Variants in TH observed in about 807,000 individuals in gnomAD.
TH encodes the protein tyrosine hydroxylase, also known as tyrosine 3-monooxygenase.
A neutral mutation model predicts 57.4 loss-of-function variants in TH; 49 were observed. The ratio of observed to expected loss-of-function variants is 0.85; its 90% CI spans 0.68 to 1.08. The LOEUF is 1.08. TH is among the 50% of genes least tolerant of loss of function. The pLI is 0.00. For missense variants in TH, 720 were observed against 696.7 expected, an observed-to-expected ratio of 1.03 and a Z score of -0.38; for synonymous variants, 330 against 304.5, an observed-to-expected ratio of 1.08 and a Z score of -0.87.
chr11:2,165,865 A>G, intron 10 of TH, 102 bp from the exon 11 acceptor site: 2 of 1,508,690 alleles, frequency 1.3e-6, no homozygotes, highest in Admixed American at 1.9e-5. Context: ...AGGCCAGGCC[A>G]GGATGCAGGC....
Position 2,170,727 on chromosome 11 carries a change from G to T in TH, c.91-856C>A, listed in dbSNP as rs540910436. 32 of 1,603,094 alleles carry T rather than the reference G, an allele frequency of 2.0e-5. 2 individuals are homozygous for T. The South Asian group carries it at 3.3e-4, about 16-fold the overall frequency. On this transcript the variant is annotated intron_variant, in intron 1 of 12. Transcript: ENST00000352909. The surrounding 1 kb of genome is among the most constrained non-coding windows in gnomAD (Gnocchi z 6.0). Reference sequence around the variant, plus strand: ...GGTGTAGGATGCAGCTGGGGCTGCAGTTCCAGGCCACGGAGAGCCTGTGAG... The same window carrying T: ...GGTGTAGGATGCAGCTGGGGCTGCATTTCCAGGCCACGGAGAGCCTGTGAG...
intron 3 of TH, 152 bp from the exon 4 acceptor site, chr11:2,168,331 C>T (rs1846157815): frequency 5.9e-6 from 8 of 1,365,218 alleles, no homozygotes; most frequent in Non-Finnish European, 8.2e-6. Context: ...GGCCCCAGGC[C>T]CGGACACGGA....
At position 2,171,541 on chromosome 11, in the gene TH, G is replaced by T; in HGVS notation, c.90+156C>A. 1.4e-6 allele frequency: 1 copy of T among 738,396 alleles called. No homozygotes were observed. Among genetic ancestry groups the T allele is most frequent in the Non-Finnish European group, 2.3e-6 (1 of 437,572 alleles). The allele number at this position is 738,396 out of a possible 1,614,324, so 45.7% of individuals were successfully genotyped here. On this transcript the variant is annotated intron_variant, in intron 1 of 12. Coordinates refer to ENST00000352909, the MANE Select transcript of TH (RefSeq NM_000360.4). This position sits in a 1 kb window ranked among gnomAD's most constrained non-coding sequence, Gnocchi z 8.6. ...TCAAACACCAGGCACAGGGGATGCC[G>T]CTGTGCCCAGGCCTCCACATCCACG...
chr11:2,171,386 G>C lies in TH; in HGVS notation c.90+311C>G, dbSNP rs145643462. Among the ~76,000 whole-genome samples the C allele has an allele frequency of 6.6e-6, 1 of 151,948 alleles. No homozygotes were observed. Among genetic ancestry groups the C allele is most frequent in the African/African-American group, 2.4e-5 (1 of 41,412 alleles). Reference sequence around the variant, plus strand: ...CATCTTGGATTTTTTGGATGGATTTGTTTCCACATTCCGATCGTTAAGATT... The same window carrying C: ...CATCTTGGATTTTTTGGATGGATTTCTTTCCACATTCCGATCGTTAAGATT... On this transcript the variant is annotated intron_variant, in intron 1 of 12. Coordinates refer to ENST00000352909, the MANE Select transcript of TH (RefSeq NM_000360.4). This position sits in a 1 kb window ranked among gnomAD's most constrained non-coding sequence, Gnocchi z 8.6.
In TH at chr11:2,169,888, C is replaced by A; in HGVS notation, c.91-17G>T. ...CCGCGGGGACTGTGGGGACAAGGGG[C>A]ACCCATGCCTCCTCCACCTGCTGAG... On this transcript the variant is annotated splice_polypyrimidine_tract_variant and intron_variant, in intron 1 of 12. Transcript: ENST00000352909. The A allele has an allele frequency of 1.2e-6, 2 of 1,604,118 alleles. No homozygotes were observed. Among genetic ancestry groups the A allele is most frequent in the Non-Finnish European group, 1.7e-6 (2 of 1,176,976 alleles).
chr11:2,168,119 A>C lies in TH; in HGVS notation c.548T>G (p.Phe183Cys). ...LDKCHHLVTK[F>C]DPDLDLDHPG... ...GTGGTCCAAGTCCAGGTCAGGGTCG[A>C]ACTTGGTGACCAGGTGATGACACTT... is the stretch of plus-strand genomic sequence containing the variant. Residue 183 changes from phenylalanine (F) to cysteine (C), a missense_variant, in exon 4 of 13, where the codon TTC (phenylalanine) becomes TGC (cysteine). By Grantham distance (205) the Phe-to-Cys change is radical (BLOSUM62 -2). Coordinates refer to ENST00000352909, the MANE Select transcript of TH (RefSeq NM_000360.4). The C allele has an allele frequency of 6.2e-7, 1 of 1,613,538 alleles. No homozygotes were observed. Among genetic ancestry groups the C allele is most frequent in the Non-Finnish European group, 8.5e-7 (1 of 1,180,010 alleles).
rs997751407 is a variant in TH at position 2,171,198 on chromosome 11, A to AC, written c.90+498dup. On this transcript the variant is annotated intron_variant, in intron 1 of 12. Transcript: ENST00000352909. This position sits in a 1 kb window ranked among gnomAD's most constrained non-coding sequence, Gnocchi z 8.6. ...GAATTTTGCCCCCTATTTGCCCAGG[A>AC]CCCCCCACCATGAGCTGCTGCTAGA... Among the ~76,000 whole-genome samples, 5 of 151,536 alleles carry AC rather than the reference A, an allele frequency of 3.3e-5. No individual in the cohort carries two copies. The highest frequency in any genetic ancestry group is 1.3e-4 in the Admixed American group (2 of 15,244).
intron 5 of TH, 181 bp downstream of exon 5, chr11:2,167,684 CT>C (rs1846137041): frequency 3.7e-6 from 4 of 1,093,058 alleles, no homozygotes; most frequent in East Asian, 2.6e-5. Flanking sequence ...TCTAGCCCCC[CT>C]GGGCCTCAGT....
intron 2 of TH, among the ~76,000 whole-genome samples, chr11:2,169,163 T>C (rs1387451264): frequency 6.6e-6 from 1 of 151,496 alleles, no homozygotes; most frequent in African/African-American, 2.4e-5. Flanking sequence ...AAACTGGCTC[T>C]GGGAGCTGGG....
chr11:2,166,748 G>T lies in TH; in HGVS notation c.862C>A (p.Arg288=). The change falls in exon 8 of 13, where the codon CGG becomes AGG. Residue 288 remains arginine (R), a synonymous_variant. Coordinates refer to ENST00000352909, the MANE Select transcript of TH (RefSeq NM_000360.4). ...FLKERTGFQL[R]PVAGLLSARD... is the part of the protein sequence containing the mutation. ...GCGGACAGCAGGCCGGCCACAGGCC[G>T]CAGCTGGAAGCCCGTGCGCTCTGCA... The T allele has an allele frequency of 6.5e-7, 1 of 1,549,546 alleles. No homozygotes were observed. The highest frequency in any genetic ancestry group is 8.7e-7 in the Non-Finnish European group (1 of 1,146,644).
At chr11:2,167,643 G>T in intron 5 of TH, 158 bp from the exon 6 acceptor site, 3 of 1,101,560 alleles carry the variant, frequency 2.7e-6, no homozygotes, top group Non-Finnish European at 1.3e-6. Context: ...TGACTGTGCC[G>T]TGAGCCGGCT....
At chr11:2,167,833 G>A (rs756923199) in intron 5 of TH, 33 bp downstream of exon 5, 27 of 1,575,712 alleles carry the variant, frequency 1.7e-5, no homozygotes, top group South Asian at 3.5e-5. Flanking sequence ...CCTGCAGGAC[G>A]GAGTCTGGGT....
At chr11:2,169,983 G>A (rs907553940) in intron 1 of TH, 112 bp from the exon 2 acceptor site, 270 of 1,145,204 alleles carry the variant, frequency 2.4e-4, no homozygotes, top group Non-Finnish European at 3.2e-4. Context: ...GGCAGGGGAT[G>A]AGAGCACGTT....
In TH at chr11:2,170,629, C is replaced by A; in HGVS notation, c.91-758G>T. ...AAGAATCAGCTTCATCCTGAGCTTC[C>A]AGGGTTGTGGAACATGAAGGGGAGC... On this transcript the variant is annotated intron_variant, in intron 1 of 12. Coordinates refer to ENST00000352909, the MANE Select transcript of TH (RefSeq NM_000360.4). The surrounding 1 kb of genome is among the most constrained non-coding windows in gnomAD (Gnocchi z 6.0). The A allele has an allele frequency of 7.1e-7, 1 of 1,401,252 alleles. No individual in the cohort carries two copies. The allele number at this position is 1,401,252 out of a possible 1,614,324, so 86.8% of individuals were successfully genotyped here. A position where few individuals can be genotyped will look rare whatever the true frequency, so the allele number is the denominator to read the frequency against.
chr11:2,167,552 G>T, intron 5 of TH, 67 bp from the exon 6 acceptor site: 1 of 1,508,078 alleles, frequency 6.6e-7, no homozygotes, highest in Non-Finnish European at 9.0e-7. Flanking sequence ...GAGGGAGGGA[G>T]CTTCACTGGG....
Position 2,170,589 on chromosome 11 carries a change from G to T in TH, c.91-718C>A. The T allele has an allele frequency of 9.4e-7, 1 of 1,068,680 alleles. No homozygotes were observed. The highest frequency in any genetic ancestry group is 1.4e-6 in the Non-Finnish European group (1 of 709,862). The allele number at this position is 1,068,680 out of a possible 1,614,324, so 66.2% of individuals were successfully genotyped here. ...GAGCTGAACTCCCAAGAAGGCTCTG[G>T]GCCCCTTGTAAGAGAAGAATCAGCT... On this transcript the variant is annotated intron_variant, in intron 1 of 12. Coordinates refer to ENST00000352909, the MANE Select transcript of TH (RefSeq NM_000360.4). This position sits in a 1 kb window ranked among gnomAD's most constrained non-coding sequence, Gnocchi z 6.0.
chr11:2,166,843 CA>C (rs751913563), intron 7 of TH, 43 bp downstream of exon 7: 35 of 1,582,034 alleles, frequency 2.2e-5, no homozygotes, highest in Middle Eastern at 1.7e-4. Context: ...CTTGGCTGAC[CA>C]TCCCCGGCCC....
rs376736869 is a variant in TH at position 2,170,767 on chromosome 11, C to A, written c.91-896G>T. On this transcript the variant is annotated intron_variant, in intron 1 of 12. Coordinates refer to ENST00000352909, the MANE Select transcript of TH (RefSeq NM_000360.4). This position sits in a 1 kb window ranked among gnomAD's most constrained non-coding sequence, Gnocchi z 6.0. ...GAGCCTGTGAGGCTGGGCCCCGGGG[C>A]GCCCTGGGGAGGGGATGCCTGATGG... 1.5e-6 allele frequency: 2 copies of A among 1,377,312 alleles called. No individual in the cohort carries two copies. The highest frequency in any genetic ancestry group is 9.5e-7 in the Non-Finnish European group (1 of 1,047,826). The allele number at this position is 1,377,312 out of a possible 1,614,324, so 85.3% of individuals were successfully genotyped here. A position where few individuals can be genotyped will look rare whatever the true frequency, so the allele number is the denominator to read the frequency against.
intron 6 of TH, 169 bp downstream of exon 6, chr11:2,167,266 G>T: frequency 1.0e-6 from 1 of 973,212 alleles, no homozygotes; most frequent in Non-Finnish European, 1.5e-6. Flanking sequence ...CGACAGGATG[G>T]GTAGCCTCTT....
Sources: allele counts gnomAD v4.1 joint callset (sites outside exome capture counted in the v4.1 genomes callset), GRCh38; gene constraint gnomAD v4.1.1; non-coding constraint Gnocchi (gnomAD v3.1); transcripts MANE v1.5; gene names NCBI Gene and HGNC (gene_info 2026-07-23, HGNC 2026-07-21).